The following ATP8A1 variants were observed in gnomAD, a reference collection of about 807,000 sequenced individuals.
ATP8A1 encodes the protein phospholipid-transporting ATPase IA.
ATP8A1 carries 90 observed loss-of-function variants against 177.7 expected under a neutral mutation model. The observed-to-expected ratio is 0.51, with a 90% CI of 0.43 to 0.60. The LOEUF (loss-of-function observed/expected upper bound fraction) is 0.60, where lower values mean the gene tolerates loss of function less well. Ranked by LOEUF, ATP8A1 falls within the 20% of genes least tolerant of loss-of-function variation. The pLI is 0.00. For synonymous variants in ATP8A1, 493 were observed against 485.9 expected, an observed-to-expected ratio of 1.01 and a Z score of -0.19; for missense variants, 1,072 against 1,392.8, an observed-to-expected ratio of 0.77 and a Z score of 3.67.
At chr4:42,530,227 TG>T (rs1285819469) in intron 20 of ATP8A1, among the ~76,000 whole-genome samples, 1 of 152,212 alleles carries the variant, frequency 6.6e-6, no homozygotes, top group Non-Finnish European at 1.5e-5. Flanking sequence ...TCACCAAGGA[TG>T]ACCTGGCTAT....
At chr4:42,510,220 T>C (rs1040769015) in intron 22 of ATP8A1, among the ~76,000 whole-genome samples, 1 of 152,230 alleles carries the variant, frequency 6.6e-6, no homozygotes, top group Non-Finnish European at 1.5e-5. Context: ...TAATATATAA[T>C]ACAGGAAGGT....
chr4:42,636,772 A>C (rs557238260), intron 1 of ATP8A1, among the ~76,000 whole-genome samples: 6 of 152,196 alleles, frequency 3.9e-5, no homozygotes, highest in African/African-American at 1.4e-4. Flanking sequence ...GTCTTAGGGG[A>C]CTGCTCCATC....
intron 22 of ATP8A1, among the ~76,000 whole-genome samples, chr4:42,517,406 G>C (rs532283980): frequency 1.4e-4 from 22 of 152,226 alleles, no homozygotes; most frequent in Admixed American, 9.2e-4. Flanking sequence ...AAAAGAACGA[G>C]GGTGAGATAA....
intron 1 of ATP8A1, among the ~76,000 whole-genome samples, chr4:42,628,818 A>C (rs949337643): frequency 6.6e-6 from 1 of 152,142 alleles, no homozygotes; most frequent in South Asian, 2.1e-4. Context: ...TTAGAGAGAG[A>C]GCCTCAAAAA....
intron 25 of ATP8A1, among the ~76,000 whole-genome samples, chr4:42,473,199 A>T (rs765976348): frequency 2.0e-5 from 3 of 152,198 alleles, no homozygotes; most frequent in Non-Finnish European, 2.9e-5. Flanking sequence ...TTAGTATGTG[A>T]TTAAAGCTCT....
chr4:42,613,759 T>A (rs965665755), intron 5 of ATP8A1, among the ~76,000 whole-genome samples: 6 of 152,036 alleles, frequency 3.9e-5, no homozygotes, highest in African/African-American at 1.4e-4. Context: ...AATTTTTGTA[T>A]TTTTAGTAGA....
At chr4:42,422,153 T>G (rs889647126) in intron 35 of ATP8A1, among the ~76,000 whole-genome samples, 3 of 152,090 alleles carry the variant, frequency 2.0e-5, no homozygotes, top group African/African-American at 7.2e-5. Flanking sequence ...GTGCAGTGGC[T>G]TGATTTCGGC....
chr4:42,478,984 G>A (rs1721378263), intron 25 of ATP8A1, among the ~76,000 whole-genome samples: 1 of 152,158 alleles, frequency 6.6e-6, no homozygotes, highest in South Asian at 2.1e-4. Flanking sequence ...AGAAAAGAAA[G>A]GAACAGTCTA....
chr4:42,431,174 ATTT>A (rs1396337196), intron 33 of ATP8A1, among the ~76,000 whole-genome samples: 2 of 152,196 alleles, frequency 1.3e-5, no homozygotes, highest in African/African-American at 2.4e-5. Context: ...TTATTGAAAA[ATTT>A]TTATTATAAA....
intron 5 of ATP8A1, among the ~76,000 whole-genome samples, chr4:42,607,044 C>T (rs1486063012): frequency 6.6e-6 from 1 of 152,172 alleles, no homozygotes; most frequent in African/African-American, 2.4e-5. Flanking sequence ...ACCTTTACAT[C>T]CCTACACTGG....
At chr4:42,422,963 ATGTCTGGCTTAT>A (rs1714163535) in intron 34 of ATP8A1, 64 bp from the exon 35 acceptor site, 2 of 1,301,968 alleles carry the variant, frequency 1.5e-6, no homozygotes. Context: ...ACAAAACTAG[ATGTCTGGCTTAT>A]TATCACGCGG....
chr4:42,485,864 G>C (rs1441522908), intron 24 of ATP8A1, among the ~76,000 whole-genome samples, 196 bp from the exon 25 acceptor site: 5 of 152,142 alleles, frequency 3.3e-5, no homozygotes, highest in African/African-American at 1.2e-4. Flanking sequence ...GAAAAAGTTA[G>C]TTACTTGATT....
intron 23 of ATP8A1, among the ~76,000 whole-genome samples, chr4:42,503,868 A>T (rs1250541667): frequency 1.3e-5 from 2 of 152,212 alleles, no homozygotes; most frequent in Non-Finnish European, 2.9e-5. Flanking sequence ...AGAATAACAG[A>T]ACCCTTCTCT....
intron 1 of ATP8A1, among the ~76,000 whole-genome samples, chr4:42,643,190 A>C (rs547476818): frequency 3.2e-4 from 49 of 152,342 alleles, no homozygotes; most frequent in South Asian, 6.2e-4. Context: ...TAAAATTCAT[A>C]GCAATGGGGA....
intron 1 of ATP8A1, among the ~76,000 whole-genome samples, chr4:42,631,356 T>A (rs570799121): frequency 6.6e-6 from 1 of 152,322 alleles, no homozygotes; most frequent in South Asian, 2.1e-4. Context: ...CAACAATTAG[T>A]AAATTTATGA....
intron 1 of ATP8A1, among the ~76,000 whole-genome samples, chr4:42,630,458 C>T (rs1269101244): frequency 6.6e-6 from 1 of 152,154 alleles, no homozygotes; most frequent in Non-Finnish European, 1.5e-5. Flanking sequence ...AAGGGGAAGG[C>T]GAGTGCCGTT....
At position 42,599,218 on chromosome 4, in the gene ATP8A1, T is replaced by A. The variant is rs73810734; in HGVS notation, c.450+1260A>T. Among the ~76,000 whole-genome samples, 1,276 of 152,292 alleles carry A rather than the reference T, an allele frequency of 8.4e-3. 19 individuals carry two copies. Among genetic ancestry groups the A allele is most frequent in the African/African-American group, 0.027 (1,130 of 41,562 alleles). On this transcript the variant is annotated intron_variant, in intron 6 of 36. Transcript: ENST00000381668. ...AGCCTAGGTTATTTATTAGCATGCA[T>A]ATTTATGTTAACTACACTGACAACC...
At chr4:42,433,542 G>A (rs1163746403) in intron 33 of ATP8A1, among the ~76,000 whole-genome samples, 1 of 151,970 alleles carries the variant, frequency 6.6e-6, no homozygotes, top group Non-Finnish European at 1.5e-5. Flanking sequence ...ATAACTAAAG[G>A]GTGTTTCAGA....
chr4:42,480,422 C>A (rs1232081123), intron 25 of ATP8A1, among the ~76,000 whole-genome samples: 1 of 152,136 alleles, frequency 6.6e-6, no homozygotes, highest in African/African-American at 2.4e-5. Flanking sequence ...TTCTTGGAAG[C>A]AAATATAGGG....
Sources: allele counts gnomAD v4.1 joint callset (sites outside exome capture counted in the v4.1 genomes callset), GRCh38; gene constraint gnomAD v4.1.1; transcripts MANE v1.5; gene names NCBI Gene and HGNC (gene_info 2026-07-23, HGNC 2026-07-21).